UBE2B: variants seen among roughly 807,000 people sequenced by gnomAD.
UBE2B encodes the protein ubiquitin-conjugating enzyme E2 B.
Under a neutral mutation model 24.6 loss-of-function variants are expected in UBE2B, and 11 were observed. The ratio of observed to expected loss-of-function variants is 0.45; its 90% CI spans 0.28 to 0.74. UBE2B has a LOEUF of 0.74. Among genes scored for constraint, UBE2B ranks in the 30% least tolerant of loss-of-function variants. The probability of loss-of-function intolerance (pLI) is 0.13; values close to 1 mark genes in which losing one functional copy is unlikely to be tolerated. For missense variants in UBE2B, 78 were observed against 185.6 expected, an observed-to-expected ratio of 0.42 and a Z score of 3.37; for synonymous variants, 68 against 62.4, an observed-to-expected ratio of 1.09 and a Z score of -0.42.
At chr5:134,383,400 C>T (rs1044802037) in intron 4 of UBE2B, among the ~76,000 whole-genome samples, 10 of 151,454 alleles carry the variant, frequency 6.6e-5, no homozygotes, top group East Asian at 3.9e-4. Flanking sequence ...ACCATTACCT[C>T]CCGGGTTCAA....
At chr5:134,381,702 G>A (rs1758712426) in intron 4 of UBE2B, among the ~76,000 whole-genome samples, 1 of 152,176 alleles carries the variant, frequency 6.6e-6, no homozygotes, top group Non-Finnish European at 1.5e-5. Context: ...TCAGCACTTT[G>A]GGAGGCCAAG....
intron 2 of UBE2B, among the ~76,000 whole-genome samples, chr5:134,376,398 T>A (rs1190277969): frequency 8.2e-6 from 1 of 122,128 alleles, no homozygotes; most frequent in African/African-American, 3.0e-5. Context: ...TCAGTATTAA[T>A]GAAAGTTTTT....
intron 4 of UBE2B, among the ~76,000 whole-genome samples, chr5:134,386,267 G>T (rs1216580572): frequency 6.6e-6 from 1 of 151,572 alleles, no homozygotes; most frequent in Admixed American, 6.6e-5. Flanking sequence ...GGTGGAGGTT[G>T]CAGTGAGCCG....
At chr5:134,386,595 G>A (rs1758805796) in intron 4 of UBE2B, among the ~76,000 whole-genome samples, 1 of 150,946 alleles carries the variant, frequency 6.6e-6, no homozygotes, top group South Asian at 2.1e-4. Flanking sequence ...TTGCACCATT[G>A]CACTCCATCC....
chr5:134,386,598 C>T (rs1758805872), intron 4 of UBE2B, among the ~76,000 whole-genome samples: 1 of 151,456 alleles, frequency 6.6e-6, no homozygotes, highest in Non-Finnish European at 1.5e-5. Flanking sequence ...CACCATTGCA[C>T]TCCATCCTGG....
intron 4 of UBE2B, 33 bp downstream of exon 4, chr5:134,380,841 A>G (rs1301246713): frequency 2.9e-6 from 4 of 1,392,830 alleles, no homozygotes; most frequent in Non-Finnish European, 4.0e-6. Flanking sequence ...TGCAGATGAT[A>G]GTGGGGAAAA....
intron 1 of UBE2B, 59 bp downstream of exon 1, chr5:134,371,698 G>C: frequency 6.2e-7 from 1 of 1,608,368 alleles, no homozygotes; most frequent in Non-Finnish European, 8.5e-7. Context: ...GCTGCAGGGC[G>C]TGGATCCCAG....
intron 5 of UBE2B, chr5:134,389,869 CAG>C (rs1758873299): frequency 6.8e-6 from 2 of 293,490 alleles, no homozygotes; most frequent in South Asian, 3.3e-5. Flanking sequence ...TTAATAGAAA[CAG>C]GGTCTCCCTA....
intron 5 of UBE2B, chr5:134,388,958 T>TG: frequency 2.8e-6 from 1 of 353,422 alleles, no homozygotes; most frequent in Non-Finnish European, 5.3e-6. Flanking sequence ...TTTTTTTTTT[T>TG]TTTTTTTTTT....
rs377444854 is a variant in UBE2B, at chr5:134,388,429, G to A, written c.330+16G>A. The stretch of plus-strand genomic sequence containing the variant: ...ATCAATTCAGGTAAGTGTGTGTTAG[G>A]ATGTATTATAATTTGTCAGTATTCT... On this transcript the variant is annotated intron_variant, in intron 5 of 5. Coordinates refer to ENST00000265339, the MANE Select transcript of UBE2B (RefSeq NM_003337.4). 1.9e-6 allele frequency: 3 copies of A among 1,608,130 alleles called. No individual in the cohort carries two copies. The highest frequency in any genetic ancestry group is 2.6e-6 in the Non-Finnish European group (3 of 1,174,620).
At chr5:134,379,076 T>C (rs896784534) in intron 3 of UBE2B, among the ~76,000 whole-genome samples, 12 of 152,312 alleles carry the variant, frequency 7.9e-5, no homozygotes, top group Middle Eastern at 3.4e-3. Context: ...CCTGTTGTGA[T>C]TTTTTTGATA....
At chr5:134,374,550 G>C (rs1758566301) in intron 2 of UBE2B, 87 bp downstream of exon 2, 1 of 1,348,918 alleles carries the variant, frequency 7.4e-7, no homozygotes. Flanking sequence ...AAAAGAAACT[G>C]AGGTGGAATG....
intron 3 of UBE2B, among the ~76,000 whole-genome samples, chr5:134,378,122 G>A (rs34976452): frequency 0.15 from 22,118 of 152,052 alleles, 2,006 homozygotes; most frequent in African/African-American, 0.25. Context: ...GTGAGCCCTG[G>A]TGGAGCCACT....
rs200680939 is a variant in UBE2B, at chr5:134,390,221, C to T, written c.331-4C>T. On this transcript the variant is annotated splice_region_variant and splice_polypyrimidine_tract_variant and intron_variant, in intron 5 of 5. Transcript: ENST00000265339. The surrounding 1 kb of genome is among the most constrained non-coding windows in gnomAD (Gnocchi z 4.6). Reference sequence around the variant, plus strand: ...AATCTGTTTTTTCTTTTCTTTCCTCCTAGTCTCTGCTGGATGAACCGAATC... The same window carrying T: ...AATCTGTTTTTTCTTTTCTTTCCTCTTAGTCTCTGCTGGATGAACCGAATC... 6.2e-7 allele frequency: 1 copy of T among 1,613,908 alleles called. No homozygotes were observed. Among genetic ancestry groups the T allele is most frequent in the African/African-American group, 1.3e-5 (1 of 75,032 alleles).
chr5:134,383,489 T>A (rs1157258651), intron 4 of UBE2B, among the ~76,000 whole-genome samples: 3 of 142,708 alleles, frequency 2.1e-5, no homozygotes, highest in Non-Finnish European at 4.6e-5. Context: ...TTTTTTTTTT[T>A]TTTTTTTTTT....
intron 3 of UBE2B, among the ~76,000 whole-genome samples, chr5:134,380,383 A>C (rs994636326): frequency 2.0e-5 from 3 of 152,150 alleles, no homozygotes; most frequent in African/African-American, 7.2e-5. Flanking sequence ...AAAATCCTTT[A>C]ACCAACTCCC....
intron 2 of UBE2B, among the ~76,000 whole-genome samples, chr5:134,376,362 T>TAC (rs1554114155): frequency 2.2e-5 from 2 of 89,482 alleles, no homozygotes; most frequent in Non-Finnish European, 4.4e-5. Context: ...TATATATATA[T>TAC]ATACACATAT....
intron 4 of UBE2B, among the ~76,000 whole-genome samples, chr5:134,384,261 G>A (rs906056526): frequency 3.9e-5 from 6 of 152,026 alleles, no homozygotes; most frequent in African/African-American, 9.7e-5. Context: ...GATGTGTTTC[G>A]TTTGTGTCTG....
chr5:134,378,392 TG>T (rs1758646608), intron 3 of UBE2B, among the ~76,000 whole-genome samples: 1 of 152,086 alleles, frequency 6.6e-6, no homozygotes, highest in Non-Finnish European at 1.5e-5. Context: ...TCCAAGTAGC[TG>T]GGATTACAGA....
Sources: gnomAD v4.1 joint callset for allele counts (sites outside exome capture counted in the v4.1 genomes callset) on GRCh38, gnomAD v4.1.1 for gene constraint, Gnocchi (gnomAD v3.1) non-coding constraint, MANE v1.5 for transcripts, NCBI Gene and HGNC (gene_info 2026-07-23, HGNC 2026-07-21) for gene names.